Variants in CACNA1A observed in about 807,000 individuals in gnomAD.
The protein encoded by CACNA1A is voltage-dependent P/Q-type calcium channel subunit alpha-1A.
A neutral mutation model predicts 262.4 loss-of-function variants in CACNA1A; 57 were observed. That is an observed-to-expected ratio of 0.22 (90% CI 0.18 to 0.27). The LOEUF is 0.27. CACNA1A is among the 10% of genes least tolerant of loss of function. CACNA1A has a pLI of 1.00. For synonymous variants in CACNA1A, 1,431 were observed against 1,419.3 expected, an observed-to-expected ratio of 1.01 and a Z score of -0.18; for missense variants, 2,526 against 3,562.8, an observed-to-expected ratio of 0.71 and a Z score of 7.41.
chr19:13,328,634 G>T (rs530796609), intron 10 of CACNA1A, among the ~76,000 whole-genome samples: 59 of 152,108 alleles, frequency 3.9e-4, no homozygotes, highest in African/African-American at 1.4e-3. Flanking sequence ...CCAAAGGGTG[G>T]GGGGAGTCAT....
intron 3 of CACNA1A, among the ~76,000 whole-genome samples, chr19:13,413,136 G>A (rs564911578): frequency 1.2e-4 from 18 of 147,404 alleles, no homozygotes; most frequent in South Asian, 4.4e-4. Context: ...ATGGTGTCTC[G>A]CGCTCTGTCG....
At chr19:13,434,274 G>A (rs1026116485) in intron 3 of CACNA1A, among the ~76,000 whole-genome samples, 2 of 151,864 alleles carry the variant, frequency 1.3e-5, no homozygotes, top group African/African-American at 2.4e-5. Flanking sequence ...CTCCTGTCTC[G>A]GCCTCCTGAA....
intron 40 of CACNA1A, chr19:13,213,936 T>C (rs972470610): frequency 1.9e-4 from 65 of 338,064 alleles, no homozygotes; most frequent in African/African-American, 1.3e-3. Flanking sequence ...TCCTCCCATC[T>C]TGGCCTCCTA....
chr19:13,376,758 T>C (rs1391193790), intron 3 of CACNA1A, among the ~76,000 whole-genome samples: 2 of 146,142 alleles, frequency 1.4e-5, no homozygotes, highest in Admixed American at 7.0e-5. Flanking sequence ...CAATATGTTA[T>C]ATGTGACATA....
intron 10 of CACNA1A, among the ~76,000 whole-genome samples, chr19:13,318,906 T>TTTTTTTTTTTTTA (rs2058188178): frequency 6.7e-6 from 1 of 149,380 alleles, no homozygotes; most frequent in African/African-American, 2.5e-5. Flanking sequence ...TTTTTTTTTT[T>TTTTTTTTTTTTTA]GAGACAGGAT....
At chr19:13,448,676 T>C (rs1242807781) in intron 3 of CACNA1A, among the ~76,000 whole-genome samples, 1 of 152,100 alleles carries the variant, frequency 6.6e-6, no homozygotes, top group Non-Finnish European at 1.5e-5. Flanking sequence ...AGTATACAAC[T>C]CAGCAGTTCC....
chr19:13,450,780 CTGAG>C (rs2060901801), intron 3 of CACNA1A: 2 of 152,236 alleles, frequency 1.3e-5, no homozygotes, highest in Non-Finnish European at 2.9e-5. Context: ...CTCCAGCCTC[CTGAG>C]TAATTGGGGT....
chr19:13,454,922 G>A (rs2060979954), intron 2 of CACNA1A, among the ~76,000 whole-genome samples, 185 bp downstream of exon 2: 1 of 152,056 alleles, frequency 6.6e-6, no homozygotes, highest in Non-Finnish European at 1.5e-5. Flanking sequence ...CTGAACCACT[G>A]CACTCCAGCC....
chr19:13,288,667 C>T (rs1416449055), intron 19 of CACNA1A, among the ~76,000 whole-genome samples: 2 of 152,182 alleles, frequency 1.3e-5, no homozygotes. Context: ...CTGGGCCCTG[C>T]CTCTTGCCAT....
rs34754803 is a variant in CACNA1A, at chr19:13,482,848, TTGTGTGTGTGTG to T, written c.293+23072_293+23083del. ...TCTCTCCCCCCTTCTTTCTCTCAAC[TTGTGTGTGTGTG>T]TGTGTGTGTGTGTGTGTGTGTGTGT... On this transcript the variant is annotated intron_variant, in intron 1 of 46. Coordinates refer to ENST00000360228, the MANE Select transcript of CACNA1A (RefSeq NM_001127222.2). Among the ~76,000 whole-genome samples the T allele has an allele frequency of 9.9e-4, 133 of 134,018 alleles. 1 individual carries two copies. The highest frequency in any genetic ancestry group is 3.9e-3 in the East Asian group (18 of 4,566). The allele number at this position is 134,018 out of a possible 152,430, so 87.9% of individuals were successfully genotyped here. A position where few individuals can be genotyped will look rare whatever the true frequency, so the allele number is the denominator to read the frequency against.
At chr19:13,376,778 TA>T (rs1246927974) in intron 3 of CACNA1A, among the ~76,000 whole-genome samples, 1 of 112,646 alleles carries the variant, frequency 8.9e-6, no homozygotes, top group African/African-American at 3.9e-5. Context: ...ATATAACACA[TA>T]ATATATGTGA....
intron 7 of CACNA1A, among the ~76,000 whole-genome samples, chr19:13,335,018 G>A (rs2058539500): frequency 6.9e-6 from 1 of 145,002 alleles, no homozygotes; most frequent in Non-Finnish European, 1.5e-5. Flanking sequence ...GGGTAATAAA[G>A]CTAGACACCG....
intron 1 of CACNA1A, among the ~76,000 whole-genome samples, chr19:13,456,283 C>T (rs532458788): frequency 6.6e-6 from 1 of 152,198 alleles, no homozygotes; most frequent in East Asian, 1.9e-4. Flanking sequence ...ACCTTTTGTG[C>T]ATCAAAGGAC....
At chr19:13,376,646 A>C (rs573602840) in intron 3 of CACNA1A, among the ~76,000 whole-genome samples, 74 of 146,724 alleles carry the variant, frequency 5.0e-4, no homozygotes, top group African/African-American at 1.8e-3. Context: ...GTTATATATG[A>C]TACACTACAC....
intron 1 of CACNA1A, among the ~76,000 whole-genome samples, chr19:13,500,244 G>A (rs1217419262): frequency 3.3e-5 from 5 of 152,264 alleles, no homozygotes; most frequent in Middle Eastern, 3.4e-3. Context: ...CTCAGCAAAC[G>A]TTTATAGGAC....
chr19:13,234,283 G>C (rs1422234940), intron 34 of CACNA1A, among the ~76,000 whole-genome samples: 1 of 147,000 alleles, frequency 6.8e-6, no homozygotes, highest in Admixed American at 6.9e-5. Context: ...CCGGGAGGCG[G>C]AGCTTGCAGT....
chr19:13,386,031 C>T (rs2059606560), intron 3 of CACNA1A, among the ~76,000 whole-genome samples: 1 of 151,884 alleles, frequency 6.6e-6, no homozygotes, highest in African/African-American at 2.4e-5. Flanking sequence ...GTGGTACACT[C>T]CTCCAGCTGC....
At chr19:13,371,647 C>T (rs933985082) in intron 4 of CACNA1A, 41 bp downstream of exon 4, 5 of 1,436,378 alleles carry the variant, frequency 3.5e-6, no homozygotes, top group Non-Finnish European at 4.8e-6. Flanking sequence ...GCTCCTGGGG[C>T]CCGTGAGCAA....
At chr19:13,359,928 A>G in intron 5 of CACNA1A, 129 bp from the exon 6 acceptor site, 1 of 502,306 alleles carries the variant, frequency 2.0e-6, no homozygotes, top group South Asian at 5.7e-5. Context: ...CAGTCTTCAA[A>G]GAGATCAATG....
Sources: gnomAD v4.1 joint callset for allele counts (sites outside exome capture counted in the v4.1 genomes callset) on GRCh38, gnomAD v4.1.1 for gene constraint, MANE v1.5 for transcripts, NCBI Gene and HGNC (gene_info 2026-07-23, HGNC 2026-07-21) for gene names.